C5: variants seen among roughly 807,000 people sequenced by gnomAD.
C5 encodes the protein complement C5, also known as C3 and PZP-like alpha-2-macroglobulin domain-containing protein 4.
In C5, 140 loss-of-function variants were observed where a neutral mutation model predicts 218.8. The observed-to-expected ratio is 0.64, with a 90% confidence interval of 0.56 to 0.74. The LOEUF is 0.74. Ranked by LOEUF, C5 falls within the 30% of genes least tolerant of loss-of-function variation. The probability of loss-of-function intolerance (pLI) is 0.00; values close to 1 mark genes in which losing one functional copy is unlikely to be tolerated. For missense variants in C5, 1,700 were observed against 1,969.6 expected, an observed-to-expected ratio of 0.86 and a Z score of 2.59; for synonymous variants, 614 against 682.3, an observed-to-expected ratio of 0.90 and a Z score of 1.56.
intron 7 of C5, among the ~76,000 whole-genome samples, chr9:121,027,739 C>T (rs973092288): frequency 2.6e-5 from 4 of 152,110 alleles, no homozygotes; most frequent in East Asian, 3.8e-4. Context: ...ACCATAAAAA[C>T]GCTAGAAGAA....
chr9:120,976,538 G>A (rs957418001), intron 29 of C5, among the ~76,000 whole-genome samples, 162 bp downstream of exon 29: 3 of 152,220 alleles, frequency 2.0e-5, no homozygotes, highest in Admixed American at 6.5e-5. Context: ...TGTATAATAA[G>A]AGTGTTGACG....
chr9:121,023,602 C>G (rs2047386719), intron 9 of C5, 83 bp from the exon 10 acceptor site: 8 of 806,112 alleles, frequency 9.9e-6, no homozygotes, highest in Admixed American at 3.5e-5. Context: ...CTATATGTCT[C>G]CACAGACTTA....
chr9:120,953,412 T>C (rs987583253), intron 40 of C5, among the ~76,000 whole-genome samples: 35 of 152,284 alleles, frequency 2.3e-4, no homozygotes, highest in African/African-American at 8.2e-4. Context: ...AAGCAGATAA[T>C]ACAATACATA....
At chr9:121,065,148 A>G in the C5 span, among the ~76,000 whole-genome samples, 5 of 152,138 alleles carry the variant, frequency 3.3e-5, no homozygotes, top group African/African-American at 4.8e-5. Context: ...AGAAATCAGA[A>G]TTAGCTGAAA....
chr9:121,037,725 G>A (rs1466725887), intron 4 of C5, among the ~76,000 whole-genome samples, 156 bp downstream of exon 4: 1 of 152,078 alleles, frequency 6.6e-6, no homozygotes, highest in Admixed American at 6.6e-5. Context: ...GTGTATTACA[G>A]AGGTATAGAT....
At chr9:121,061,233 T>C in the C5 span, among the ~76,000 whole-genome samples, 1 of 151,660 alleles carries the variant, frequency 6.6e-6, no homozygotes, top group Non-Finnish European at 1.5e-5. Context: ...AAAAAGTAGC[T>C]CTGGCCACTT....
chr9:121,013,377 G>A (rs1010033642), intron 17 of C5, among the ~76,000 whole-genome samples: 1 of 150,698 alleles, frequency 6.6e-6, no homozygotes, highest in Non-Finnish European at 1.5e-5. Flanking sequence ...ACATGTTAAT[G>A]AGAGTTCTAT....
chr9:120,990,279 A>G (rs1354151621), intron 23 of C5, among the ~76,000 whole-genome samples: 1 of 152,238 alleles, frequency 6.6e-6, no homozygotes, highest in Non-Finnish European at 1.5e-5. Context: ...TATCTGAGAT[A>G]AAATGTAGTC....
At chr9:120,964,949 G>A (rs1017058177) in intron 33 of C5, among the ~76,000 whole-genome samples, 4 of 152,154 alleles carry the variant, frequency 2.6e-5, no homozygotes, top group Admixed American at 6.5e-5. Context: ...ACAGGCTGGC[G>A]GGGCTGAGGC....
chr9:121,016,909 C>T (rs933661636), intron 14 of C5, among the ~76,000 whole-genome samples: 1 of 151,996 alleles, frequency 6.6e-6, no homozygotes, highest in African/African-American at 2.4e-5. Flanking sequence ...GACATTCAAG[C>T]CTCGAAAATA....
intron 7 of C5, 103 bp from the exon 8 acceptor site, chr9:121,027,377 T>C (rs2047433671): frequency 1.4e-6 from 1 of 705,814 alleles, no homozygotes; most frequent in South Asian, 1.5e-5. Flanking sequence ...TGAGGCACTT[T>C]AAAGTGTCTT....
rs10985122 is a variant in C5 at position 121,008,559 on chromosome 9, T to C, written c.2258-61A>G. ...AATATAAATTCTACTTATAGGTGAA[T>C]TTTAAAATATGGCCATTAATCTGTA... is the stretch of plus-strand genomic sequence containing the variant. On this transcript the variant is annotated intron_variant, in intron 17 of 40. Coordinates refer to ENST00000223642, the MANE Select transcript of C5 (RefSeq NM_001735.3). The C allele has an allele frequency of 5.1e-4, 596 of 1,177,000 alleles. 5 individuals carry two copies. In the East Asian group the frequency reaches 0.013, roughly 26 times the overall value. The allele number at this position is 1,177,000 out of a possible 1,614,324, so 72.9% of individuals were successfully genotyped here. A position where few individuals can be genotyped will look rare whatever the true frequency, so the allele number is the denominator to read the frequency against.
chr9:120,962,629 C>CA (rs1564131860), intron 36 of C5, 42 bp downstream of exon 36: 2 of 1,397,826 alleles, frequency 1.4e-6, no homozygotes, highest in Admixed American at 3.3e-5. Flanking sequence ...GGAAAGAATA[C>CA]AAAGTATTCT....
rs531022252 is a variant in C5 at position 121,042,838 on chromosome 9, T to G, written c.421+166A>C. ...TTTCTCCATAAATTTAAAATTAAAA[T>G]GCTATTAAATATTTGTAAGTATAGA... On this transcript the variant is annotated intron_variant, in intron 3 of 40. Transcript: ENST00000223642. 4.5e-4 allele frequency among the ~76,000 whole-genome samples: 69 copies of G among 152,342 alleles called. 1 individual carries two copies. The South Asian group carries it at 0.012, about 26-fold the overall frequency.
chr9:120,983,006 C>T (rs1288671273), intron 25 of C5, among the ~76,000 whole-genome samples, 192 bp from the exon 26 acceptor site: 7 of 152,130 alleles, frequency 4.6e-5, no homozygotes, highest in Admixed American at 4.6e-4. Context: ...CAAATGTGAA[C>T]AGCACATCTT....
At chr9:121,050,860 T>C (rs952506809), upstream of C5, among the ~76,000 whole-genome samples, 7 of 152,148 alleles carry the variant, frequency 4.6e-5, no homozygotes, top group African/African-American at 9.7e-5. Flanking sequence ...TGACTGGCAA[T>C]GAAAACGCCA....
intron 33 of C5, among the ~76,000 whole-genome samples, chr9:120,964,060 T>C (rs1457984408): frequency 1.3e-5 from 2 of 152,232 alleles, no homozygotes; most frequent in Non-Finnish European, 2.9e-5. Context: ...CATGCAGAGC[T>C]ACAGAAGAAT....
rs1450244025 is a variant in C5, at chr9:121,020,197, A to C, written c.1303-18T>G. 5.8e-6 allele frequency: 9 copies of C among 1,558,282 alleles called. No individual in the cohort carries two copies. The highest frequency in any genetic ancestry group is 7.1e-6 in the Non-Finnish European group (8 of 1,129,392). On this transcript the variant is annotated intron_variant, in intron 11 of 40. Transcript: ENST00000223642. ...GTTTTGACCTGAAAAGAGAAATTTC[A>C]AAAAGACATGTATACTGTGATGTAA... is the stretch of plus-strand genomic sequence containing the variant.
At chr9:120,993,105 T>A (rs12685289) in intron 22 of C5, among the ~76,000 whole-genome samples, 10,469 of 152,180 alleles carry the variant, frequency 0.069, 418 homozygotes, top group Non-Finnish European at 0.092. Flanking sequence ...AAAACAATAA[T>A]GAGATAGTGC....
Sources: gnomAD v4.1 joint callset for allele counts (sites outside exome capture counted in the v4.1 genomes callset) on GRCh38, gnomAD v4.1.1 for gene constraint, MANE v1.5 for transcripts, NCBI Gene and HGNC (gene_info 2026-07-23, HGNC 2026-07-21) for gene names.